Variants in PRRC2B observed in about 807,000 individuals in gnomAD.
The protein encoded by PRRC2B is protein PRRC2B.
In PRRC2B, 68 loss-of-function variants were observed where a neutral mutation model predicts 242.3. The observed-to-expected ratio is 0.28, with a 90% CI of 0.23 to 0.34. The LOEUF is 0.34. Among genes scored for constraint, PRRC2B ranks in the 10% least tolerant of loss-of-function variants. The probability of loss-of-function intolerance (pLI) is 1.00; values close to 1 mark genes in which losing one functional copy is unlikely to be tolerated. For synonymous variants in PRRC2B, 1,228 were observed against 1,173.6 expected (o/e 1.05, Z -0.95); for missense variants, 2,835 against 2,954.8 (o/e 0.96, Z 0.94).
rs550473942 is a variant in PRRC2B, at chr9:131,477,950, G to A, written c.4612+1G>A. ...AAACAGTTTGACCTGAACTATGGAA[G>A]TAAGTCATCCTCATATCTTCAGGGG... On this transcript the variant is annotated splice_donor_variant, in intron 17 of 31. Transcript: ENST00000683519. LOFTEE classifies it high-confidence loss of function. 6.2e-7 allele frequency: 1 copy of A among 1,613,364 alleles called. No individual in the cohort carries two copies. Among genetic ancestry groups the A allele is most frequent in the South Asian group, 1.1e-5 (1 of 91,068 alleles).
intron 3 of PRRC2B, 37 bp from the exon 4 acceptor site, chr9:131,436,583 G>A (rs1375486316): frequency 1.3e-6 from 2 of 1,564,172 alleles, no homozygotes; most frequent in African/African-American, 2.7e-5. Context: ...AGCGCACTCT[G>A]TGCGGTGCCT....
At chr9:131,398,536 CGTCTTCCTCCTTTCCAAGATAACCATCA>C (rs1837132743) in intron 1 of PRRC2B, among the ~76,000 whole-genome samples, 1 of 152,176 alleles carries the variant, frequency 6.6e-6, no homozygotes, top group Admixed American at 6.5e-5. Flanking sequence ...CCGTCTGGAC[CGTCTTCCTCCTTTCCAAGATAACCATCA>C]GTCTTTTTCT....
intron 3 of PRRC2B, among the ~76,000 whole-genome samples, chr9:131,435,129 C>A (rs1174993862): frequency 1.3e-5 from 2 of 151,484 alleles, no homozygotes; most frequent in Non-Finnish European, 2.9e-5. Flanking sequence ...GAAACCCGAT[C>A]TCTACTAAAA....
intron 1 of PRRC2B, among the ~76,000 whole-genome samples, chr9:131,394,960 GTT>G (rs746579828): frequency 3.0e-4 from 19 of 64,020 alleles, no homozygotes; most frequent in African/African-American, 5.2e-4. Flanking sequence ...GCCAGATGGG[GTT>G]TTTTTTTTTT....
chr9:131,463,311 G>T (rs1943295919), intron 11 of PRRC2B, among the ~76,000 whole-genome samples: 1 of 152,162 alleles, frequency 6.6e-6, no homozygotes, highest in Admixed American at 6.5e-5. Flanking sequence ...TAAATTTGTT[G>T]TATATTTCTT....
At chr9:131,447,593 T>C in intron 8 of PRRC2B, 69 bp from the exon 9 acceptor site, 10 of 1,390,858 alleles carry the variant, frequency 7.2e-6, no homozygotes, top group Non-Finnish European at 9.6e-6. Context: ...GAATTTATTT[T>C]TGGAAAGGTA....
At chr9:131,413,602 A>G (rs577475729) in intron 1 of PRRC2B, among the ~76,000 whole-genome samples, 8 of 152,304 alleles carry the variant, frequency 5.3e-5, no homozygotes, top group African/African-American at 1.9e-4. Context: ...TCCTGGCTTC[A>G]GAATCATCCT....
At chr9:131,468,330 ATTTC>A (rs2131430829) in intron 13 of PRRC2B, among the ~76,000 whole-genome samples, 1 of 152,298 alleles carries the variant, frequency 6.6e-6, no homozygotes, top group East Asian at 1.9e-4. Context: ...TCTCACCCAT[ATTTC>A]TTCATGTGTA....
At chr9:131,445,883 T>C (rs1838785117) in intron 6 of PRRC2B, among the ~76,000 whole-genome samples, 1 of 152,216 alleles carries the variant, frequency 6.6e-6, no homozygotes, top group Non-Finnish European at 1.5e-5. Flanking sequence ...GCTACGCAAG[T>C]GCCCCACACC....
chr9:131,486,855 C>T (rs1339026912), intron 26 of PRRC2B, among the ~76,000 whole-genome samples: 1 of 152,216 alleles, frequency 6.6e-6, no homozygotes, highest in African/African-American at 2.4e-5. Context: ...CTGCATGTAT[C>T]TTTCTTTTTG....
chr9:131,492,107 G>A, intron 29 of PRRC2B, 62 bp from the exon 30 acceptor site: 1 of 1,297,638 alleles, frequency 7.7e-7, no homozygotes, highest in Non-Finnish European at 1.1e-6. Flanking sequence ...TGTTCAGTAA[G>A]TGTGTGGTCC....
chr9:131,483,476 T>C, intron 23 of PRRC2B, 31 bp downstream of exon 23: 1 of 1,594,018 alleles, frequency 6.3e-7, no homozygotes, highest in African/African-American at 1.3e-5. Context: ...TTGGCTCCAC[T>C]CACTGCTTGG....
chr9:131,422,343 C>T (rs777204186), intron 1 of PRRC2B, among the ~76,000 whole-genome samples: 6 of 152,146 alleles, frequency 3.9e-5, no homozygotes, highest in Admixed American at 2.6e-4. Context: ...GTGAGTCACC[C>T]GCATCCTGCC....
At position 131,486,175 on chromosome 9, in the gene PRRC2B, A is replaced by G. The variant is rs1232097010; in HGVS notation, c.5849A>G (p.Tyr1950Cys). The G allele has an allele frequency of 6.2e-7, 1 of 1,609,582 alleles. No individual in the cohort carries two copies. Among genetic ancestry groups the G allele is most frequent in the East Asian group, 2.2e-5 (1 of 44,762 alleles). Reference sequence around the variant, plus strand: ...CAAACGATACCTCAGCAGCAGAGTTACCAACAGGTGACAGCAGCTAGCCAG... The same window carrying G: ...CAAACGATACCTCAGCAGCAGAGTTGCCAACAGGTGACAGCAGCTAGCCAG... The part of the protein sequence containing the change: ...VPQTIPQQQS[Y>C]QQAAAAQQIP... The change falls in exon 26 of 32, where the codon TAC (tyrosine) becomes TGC (cysteine). Residue 1950 changes from tyrosine (Y) to cysteine (C), a missense_variant. This residue lies in a region of PRRC2B where 574 missense variants were observed against 626.0 expected (regional missense o/e 0.92). Coordinates refer to ENST00000683519, the MANE Select transcript of PRRC2B (RefSeq NM_013318.4).
chr9:131,490,704 T>G, intron 28 of PRRC2B: 1 of 444,122 alleles, frequency 2.3e-6, no homozygotes, highest in South Asian at 1.6e-5. Flanking sequence ...GTCAGCATGC[T>G]TCAAAGGACC....
chr9:131,385,151 G>GCGCCCGCCACCACGCCTGGCT, intron 1 of PRRC2B, among the ~76,000 whole-genome samples: 1 of 150,122 alleles, frequency 6.7e-6, no homozygotes, highest in Admixed American at 6.9e-5. Context: ...GGGATTACAG[G>GCGCCCGCCACCACGCCTGGCT]CATGAGCTAC....
intron 30 of PRRC2B, among the ~76,000 whole-genome samples, chr9:131,492,521 G>A (rs1467034616): frequency 6.6e-6 from 1 of 152,188 alleles, no homozygotes; most frequent in African/African-American, 2.4e-5. Context: ...TGGAAAGGTA[G>A]GAAAAGGAAC....
chr9:131,377,875 C>T (rs1485114625), intron 1 of PRRC2B, among the ~76,000 whole-genome samples: 1 of 152,166 alleles, frequency 6.6e-6, no homozygotes. Context: ...CCTGCCTTAG[C>T]CTCCTGAGTA....
chr9:131,423,078 T>C (rs1302890285), intron 1 of PRRC2B, among the ~76,000 whole-genome samples: 1 of 152,196 alleles, frequency 6.6e-6, no homozygotes, highest in Non-Finnish European at 1.5e-5. Context: ...CTGCTTCATA[T>C]GTCATACTGA....
Sources: gnomAD v4.1 joint callset for allele counts (sites outside exome capture counted in the v4.1 genomes callset) on GRCh38, gnomAD v4.1.1 for gene constraint, gnomAD v4.1.1 regional missense constraint, MANE v1.5 for transcripts, NCBI Gene and HGNC (gene_info 2026-07-23, HGNC 2026-07-21) for gene names.